Variants in IQGAP3 observed in about 807,000 individuals in gnomAD.
IQGAP3 encodes ras GTPase-activating-like protein IQGAP3.
Under a neutral mutation model 208.2 loss-of-function variants are expected in IQGAP3, and 165 were observed. The observed-to-expected ratio is 0.79, with a 90% CI of 0.70 to 0.90. IQGAP3 has a LOEUF of 0.90. Ranked by LOEUF, IQGAP3 falls within the 40% of genes least tolerant of loss-of-function variation. IQGAP3 has a pLI of 0.00. For missense variants in IQGAP3, 1,811 were observed against 2,043.1 expected, an observed-to-expected ratio of 0.89 and a Z score of 2.19; for synonymous variants, 703 against 803.6, an observed-to-expected ratio of 0.87 and a Z score of 2.12.
Position 156,528,601 on chromosome 1 carries a change from C to T in IQGAP3, c.4581G>A (p.Gly1527=), listed in dbSNP as rs754015306. The change falls in exon 36 of 38, where the codon GGG becomes GGA. Residue 1527 remains glycine, a synonymous_variant. Transcript: ENST00000361170. ...DHLAPDSKSS[G]KGKKQPSLHY... ...GAAGAGAAGGCTGCTTCTTCCCCTT[C>T]CCAGAACTCCTGATTAAAAGAAGGC... 3.1e-6 allele frequency: 5 copies of T among 1,612,058 alleles called. No individual in the cohort carries two copies. The highest frequency in any genetic ancestry group is 1.1e-5 in the South Asian group (1 of 91,016).
At chr1:156,564,245 C>T (rs569878135) in intron 5 of IQGAP3, among the ~76,000 whole-genome samples, 3 of 152,304 alleles carry the variant, frequency 2.0e-5, no homozygotes, top group African/African-American at 2.4e-5. Flanking sequence ...CAACTGGTTG[C>T]TGATGGCTGG....
chr1:156,526,613 G>C lies in IQGAP3; in HGVS notation c.4783-14C>G. The C allele has an allele frequency of 6.3e-7, 1 of 1,580,600 alleles. No homozygotes were observed. The stretch of plus-strand genomic sequence containing the variant: ...CTGCAGGAGATCCTAGGAGGGAAGA[G>C]GCAGGGAGGGGAGTTTAAGGGCTTC... On this transcript the variant is annotated splice_polypyrimidine_tract_variant and intron_variant, in intron 37 of 37. Transcript: ENST00000361170.
rs574862447 is a variant in IQGAP3 at position 156,561,035 on chromosome 1, G to A, written c.1042-14C>T. ...CAGGCCCAGCTCCTAAGAGAGGGAA[G>A]AGATACAGTAGAATGGAGTCCTTCC... On this transcript the variant is annotated splice_polypyrimidine_tract_variant and intron_variant, in intron 10 of 37. Transcript: ENST00000361170. The A allele has an allele frequency of 3.1e-6, 5 of 1,597,174 alleles. No homozygotes were observed. The South Asian group carries it at 5.5e-5, about 18-fold the overall frequency.
At position 156,563,604 on chromosome 1, in the gene IQGAP3, T is replaced by G. The variant is rs142363101; in HGVS notation, c.568A>C (p.Ser190Arg). 4.5e-5 allele frequency: 73 copies of G among 1,612,986 alleles called. No homozygotes were observed. In the African/African-American group the frequency reaches 9.0e-4, roughly 20 times the overall value. ...TTGGCCAAGATGCCCCCGATCTTGC[T>G]GAAGGCAGGCAGCTGGAGGCCATAT... The part of the protein sequence containing the change: ...AKYGLQLPAF[S>R]KIGGILANEL... The change falls in exon 7 of 38, where the codon AGC becomes CGC. Residue 190 changes from serine to arginine, a missense_variant. Coordinates refer to ENST00000361170, the MANE Select transcript of IQGAP3 (RefSeq NM_178229.5).
In IQGAP3 at chr1:156,555,437, G is replaced by C. The variant is rs952240073; in HGVS notation, c.1291-1045C>G. Among the ~76,000 whole-genome samples the C allele has an allele frequency of 1.2e-4, 19 of 152,098 alleles. 1 individual carries two copies. The highest frequency in any genetic ancestry group is 4.6e-4 in the African/African-American group (19 of 41,392). ...GATGGGGTTTCGCCATGTTGGCCAG[G>C]CTGGTCTCAAACTCCTGGCCTCAAG... On this transcript the variant is annotated intron_variant, in intron 12 of 37. Transcript: ENST00000361170.
chr1:156,564,285 T>C (rs1256758877), intron 5 of IQGAP3, among the ~76,000 whole-genome samples: 1 of 152,144 alleles, frequency 6.6e-6, no homozygotes, highest in East Asian at 1.9e-4. Context: ...GCCTACACCA[T>C]CCATACTAAG....
At chr1:156,560,464 T>C (rs941095469) in intron 11 of IQGAP3, among the ~76,000 whole-genome samples, 1 of 152,194 alleles carries the variant, frequency 6.6e-6, no homozygotes, top group Admixed American at 6.5e-5. Flanking sequence ...TGAGCCGAGA[T>C]TGTGCCACTG....
chr1:156,539,341 C>A (rs1674865976), intron 25 of IQGAP3, 33 bp downstream of exon 25: 3 of 1,599,932 alleles, frequency 1.9e-6, no homozygotes, highest in South Asian at 1.1e-5. Context: ...TTAACCCATT[C>A]TCTCCCCATT....
chr1:156,569,207 G>T (rs536067357), intron 2 of IQGAP3, among the ~76,000 whole-genome samples, 169 bp downstream of exon 2: 2 of 142,920 alleles, frequency 1.4e-5, no homozygotes, highest in South Asian at 4.7e-4. Flanking sequence ...TGGGTAAAAG[G>T]ATGTGACTGG....
intron 26 of IQGAP3, 55 bp downstream of exon 26, chr1:156,538,754 G>A: frequency 6.8e-7 from 1 of 1,477,620 alleles, no homozygotes; most frequent in Non-Finnish European, 9.4e-7. Flanking sequence ...CCAAGACACA[G>A]CTGATCAAGA....
intron 24 of IQGAP3, 147 bp downstream of exon 24, chr1:156,539,691 A>G (rs1003542667): frequency 5.6e-5 from 66 of 1,173,020 alleles, no homozygotes; most frequent in Non-Finnish European, 1.4e-5. Context: ...AAACAGGGGA[A>G]GAGGTAGTCT....
chr1:156,526,667 A>G, intron 37 of IQGAP3, 68 bp from the exon 38 acceptor site: 1 of 1,052,332 alleles, frequency 9.5e-7, no homozygotes, highest in East Asian at 2.4e-5. Context: ...ATGGTGTACA[A>G]AACACTCACA....
intron 22 of IQGAP3, among the ~76,000 whole-genome samples, chr1:156,542,458 G>C (rs1675032345): frequency 6.6e-6 from 1 of 152,170 alleles, no homozygotes; most frequent in African/African-American, 2.4e-5. Flanking sequence ...CCAAAGTGCT[G>C]GGATTACAGG....
In IQGAP3 at chr1:156,551,875, AAG is replaced by A. The variant is rs1675567487; in HGVS notation, c.1571-9_1571-8del. On this transcript the variant is annotated splice_region_variant and splice_polypyrimidine_tract_variant and intron_variant, in intron 14 of 37. Coordinates refer to ENST00000361170, the MANE Select transcript of IQGAP3 (RefSeq NM_178229.5). ...AGGCTGACTGCAAGGACCCCTAAGAAAGAGAGATCTAGGTGGGCAGGGGGCCC... is the reference window on the plus strand; with the variant it reads ...AGGCTGACTGCAAGGACCCCTAAGAAAGAGATCTAGGTGGGCAGGGGGCCC... The A allele has an allele frequency of 1.2e-6, 2 of 1,601,982 alleles. No homozygotes were observed. Among genetic ancestry groups the A allele is most frequent in the Non-Finnish European group, 1.7e-6 (2 of 1,172,328 alleles).
chr1:156,538,798 C>G lies in IQGAP3; in HGVS notation c.3281+11G>C. 6.2e-7 allele frequency: 1 copy of G among 1,608,862 alleles called. No homozygotes were observed. The highest frequency in any genetic ancestry group is 8.5e-7 in the Non-Finnish European group (1 of 1,175,404). ...ATCAAAGAGAGCTCCTCCCTCTGCC[C>G]ATGTGCTCACCTGCGCTGCCCTGTC... On this transcript the variant is annotated intron_variant, in intron 26 of 37. Coordinates refer to ENST00000361170, the MANE Select transcript of IQGAP3 (RefSeq NM_178229.5).
intron 19 of IQGAP3, 146 bp from the exon 20 acceptor site, chr1:156,544,618 A>T: frequency 1.5e-6 from 1 of 678,436 alleles, no homozygotes; most frequent in East Asian, 2.7e-5. Context: ...CCTGTTCTCA[A>T]AGAACTTCCA....
chr1:156,541,013 G>A (rs981139297), intron 22 of IQGAP3, 97 bp from the exon 23 acceptor site: 2 of 991,920 alleles, frequency 2.0e-6, no homozygotes, highest in Non-Finnish European at 3.1e-6. Flanking sequence ...TCCCCGTTCT[G>A]CTTGGGATCA....
In IQGAP3 at chr1:156,548,376, G is replaced by T; in HGVS notation, c.2105C>A (p.Thr702Asn). ...WEQPPGCPLNTSHLTREEIQS... is the reference protein window; with the variant it reads ...WEQPPGCPLNNSHLTREEIQS... ...GATCTCCTCCCGGGTCAGGTGAGAG[G>T]TGTTGAGGGGGCAGCCAGGAGGTTG... The change falls in exon 18 of 38, where the codon ACC becomes AAC. Residue 702 changes from threonine (T) to asparagine (N), a missense_variant. Coordinates refer to ENST00000361170, the MANE Select transcript of IQGAP3 (RefSeq NM_178229.5). 1 of 1,614,028 alleles carries T rather than the reference G, an allele frequency of 6.2e-7. No individual in the cohort carries two copies. Among genetic ancestry groups the T allele is most frequent in the Non-Finnish European group, 8.5e-7 (1 of 1,180,010 alleles).
rs745730119 is a variant in IQGAP3 at position 156,566,554 on chromosome 1, C to T, written c.126-8G>A. The stretch of plus-strand genomic sequence containing the variant: ...AGGCAGGCCTCCATCCAGCTATGAA[C>T]ATGAGAACACCTTCTCACGCACTCT... On this transcript the variant is annotated splice_region_variant and splice_polypyrimidine_tract_variant and intron_variant, in intron 2 of 37. Transcript: ENST00000361170. 2 of 1,613,720 alleles carry T rather than the reference C, an allele frequency of 1.2e-6. No homozygotes were observed. The highest frequency in any genetic ancestry group is 1.1e-5 in the South Asian group (1 of 91,016).
Sources: gnomAD v4.1 joint callset for allele counts (sites outside exome capture counted in the v4.1 genomes callset) on GRCh38, gnomAD v4.1.1 for gene constraint, MANE v1.5 for transcripts, NCBI Gene and HGNC (gene_info 2026-07-23, HGNC 2026-07-21) for gene names.